CDON: variants seen among roughly 807,000 people sequenced by gnomAD.
CDON encodes cell adhesion molecule-related/down-regulated by oncogenes.
In CDON, 73 loss-of-function variants were observed where a neutral mutation model predicts 120.9. The ratio of observed to expected loss-of-function variants is 0.60; its 90% CI spans 0.50 to 0.73. The LOEUF is 0.73. Ranked by LOEUF, CDON falls within the 30% of genes least tolerant of loss-of-function variation. The pLI, the probability that CDON is intolerant of heterozygous loss-of-function variation, is 0.00. For synonymous variants in CDON, 566 were observed against 573.5 expected (o/e 0.99, Z 0.19); for missense variants, 1,470 against 1,587.3 (o/e 0.93, Z 1.26).
chr11:126,016,164 T>C (rs550610046), intron 6 of CDON, among the ~76,000 whole-genome samples: 14 of 152,342 alleles, frequency 9.2e-5, no homozygotes, highest in African/African-American at 3.4e-4. Flanking sequence ...ATAAATATTA[T>C]AAATACATGC....
chr11:126,005,724 T>G, intron 9 of CDON, 35 bp downstream of exon 9: 1 of 1,595,238 alleles, frequency 6.3e-7, no homozygotes, highest in South Asian at 1.1e-5. Context: ...CGTTCAGGTG[T>G]GAGCCGAGAA....
At chr11:125,983,599 G>A (rs986444420) in intron 16 of CDON, among the ~76,000 whole-genome samples, 2 of 152,156 alleles carry the variant, frequency 1.3e-5, no homozygotes, top group African/African-American at 4.8e-5. Flanking sequence ...CAACAAAGCC[G>A]GAGTTTCCCA....
intron 15 of CDON, among the ~76,000 whole-genome samples, chr11:125,987,152 C>T (rs557237556): frequency 7.2e-5 from 11 of 152,338 alleles, no homozygotes; most frequent in Admixed American, 1.3e-4. Flanking sequence ...GCTTCATGAT[C>T]TGGTTTCCAA....
chr11:126,046,695 T>G (rs1180056936), intron 1 of CDON, among the ~76,000 whole-genome samples: 4 of 152,088 alleles, frequency 2.6e-5, no homozygotes, highest in Admixed American at 2.0e-4. Flanking sequence ...CAATCTTCAA[T>G]GGCCACTTGA....
chr11:125,966,593 T>A (rs1460319975), intron 18 of CDON, among the ~76,000 whole-genome samples: 1 of 152,056 alleles, frequency 6.6e-6, no homozygotes, highest in African/African-American at 2.4e-5. Context: ...CTAAACCTGA[T>A]GAAAGCTCAA....
At chr11:126,019,912 C>G (rs544130000) in intron 3 of CDON, 147 bp from the exon 4 acceptor site, 6 of 717,862 alleles carry the variant, frequency 8.4e-6, no homozygotes, top group Non-Finnish European at 1.4e-5. Flanking sequence ...ATCTTTTCAT[C>G]TCAGAAAGCA....
At chr11:125,970,573 C>T (rs1173473451) in intron 18 of CDON, among the ~76,000 whole-genome samples, 1 of 152,142 alleles carries the variant, frequency 6.6e-6, no homozygotes, top group Non-Finnish European at 1.5e-5. Flanking sequence ...TCAGTTACTA[C>T]CTAAAGAACC....
chr11:125,980,587 G>C (rs1313287146), intron 17 of CDON, among the ~76,000 whole-genome samples: 1 of 149,168 alleles, frequency 6.7e-6, no homozygotes, highest in Non-Finnish European at 1.5e-5. Context: ...CATGACGACT[G>C]TAAGTGTCAA....
intron 13 of CDON, 49 bp downstream of exon 13, chr11:125,994,819 ATTG>A: frequency 1.3e-6 from 2 of 1,482,064 alleles, no homozygotes; most frequent in Non-Finnish European, 1.9e-6. Flanking sequence ...TATTAAATTG[ATTG>A]TTAACATGAC....
chr11:126,002,572 G>A (rs181811671), intron 10 of CDON, among the ~76,000 whole-genome samples: 17 of 152,210 alleles, frequency 1.1e-4, no homozygotes, highest in East Asian at 3.9e-4. Flanking sequence ...GCCAAGCCAC[G>A]ATGGCATCTT....
intron 14 of CDON, among the ~76,000 whole-genome samples, chr11:125,993,498 C>T (rs968936478): frequency 6.6e-6 from 1 of 152,176 alleles, no homozygotes; most frequent in African/African-American, 2.4e-5. Context: ...CAGCAAGGTA[C>T]CCTCTCATGC....
At chr11:125,961,645 A>G (rs763832229) in intron 19 of CDON, 79 bp downstream of exon 19, 2 of 1,593,366 alleles carry the variant, frequency 1.3e-6, no homozygotes, top group Non-Finnish European at 1.7e-6. Context: ...GGAAACTCTG[A>G]AAGCATCACC....
At chr11:126,050,438 T>TCTAA (rs1948526970) in intron 1 of CDON, among the ~76,000 whole-genome samples, 1 of 151,560 alleles carries the variant, frequency 6.6e-6, no homozygotes, top group African/African-American at 2.4e-5. Context: ...CATTTAGTCT[T>TCTAA]CATGATTTCC....
intron 7 of CDON, among the ~76,000 whole-genome samples, chr11:126,013,296 T>C (rs1947359375): frequency 6.6e-6 from 1 of 152,218 alleles, no homozygotes; most frequent in Non-Finnish European, 1.5e-5. Flanking sequence ...TGATTTTCCT[T>C]TCTTGCACCA....
intron 1 of CDON, among the ~76,000 whole-genome samples, chr11:126,041,382 A>C (rs559482177): frequency 6.6e-6 from 1 of 152,264 alleles, no homozygotes; most frequent in South Asian, 2.1e-4. Flanking sequence ...GGGTAAATGG[A>C]AATCTCTACA....
intron 1 of CDON, among the ~76,000 whole-genome samples, chr11:126,026,218 C>T (rs1947788178): frequency 6.6e-6 from 1 of 152,188 alleles, no homozygotes; most frequent in Non-Finnish European, 1.5e-5. Flanking sequence ...TTTATTCCTT[C>T]ACTCACTTAT....
rs993336610 is a variant in CDON, at chr11:126,050,719, C to A, written c.-62+11860G>T. ...AGCAGGGGACCAAGGACGGGGTGTG[C>A]CGTGGCTCCTCCTAAGCCTGTCTGT... On this transcript the variant is annotated intron_variant, in intron 1 of 19. Transcript: ENST00000531738. Among the ~76,000 whole-genome samples the A allele has an allele frequency of 2.0e-5, 3 of 152,088 alleles. No individual in the cohort carries two copies. The South Asian group carries it at 6.2e-4, about 32-fold the overall frequency.
intron 18 of CDON, among the ~76,000 whole-genome samples, chr11:125,962,942 T>A (rs1591540634): frequency 6.6e-6 from 1 of 152,198 alleles, no homozygotes; most frequent in African/African-American, 2.4e-5. Context: ...CATCTCAGAG[T>A]CTGTTTCTAT....
chr11:126,004,478 G>A (rs559397179), intron 9 of CDON: 1 of 205,602 alleles, frequency 4.9e-6, no homozygotes, highest in African/African-American at 2.5e-5. Context: ...GGTAAATTAA[G>A]ACAATATTAT....
Sources: gnomAD v4.1 joint callset for allele counts (sites outside exome capture counted in the v4.1 genomes callset) on GRCh38, gnomAD v4.1.1 for gene constraint, MANE v1.5 for transcripts, NCBI Gene and HGNC (gene_info 2026-07-23, HGNC 2026-07-21) for gene names.